MACROD2: variants seen among roughly 807,000 people sequenced by gnomAD.
MACROD2 encodes mono-ADP ribosylhydrolase 2, also known as ADP-ribose glycohydrolase MACROD2.
Under a neutral mutation model 70.4 loss-of-function variants are expected in MACROD2, and 36 were observed. The ratio of observed to expected loss-of-function variants is 0.51; its 90% confidence interval spans 0.39 to 0.68. The LOEUF (loss-of-function observed/expected upper bound fraction) is 0.68, where lower values mean the gene tolerates loss of function less well. MACROD2 is among the 30% of genes least tolerant of loss of function. The pLI, the probability that MACROD2 is intolerant of heterozygous loss-of-function variation, is 0.00. For synonymous variants in MACROD2, 172 were observed against 178.8 expected, an observed-to-expected ratio of 0.96 and a Z score of 0.30; for missense variants, 496 against 538.4, an observed-to-expected ratio of 0.92 and a Z score of 0.78.
chr20:14,846,698 T>C (rs567714636), intron 5 of MACROD2, among the ~76,000 whole-genome samples: 2 of 152,164 alleles, frequency 1.3e-5, no homozygotes, highest in Non-Finnish European at 2.9e-5. Flanking sequence ...TTTATATTTT[T>C]AGTAGAGACA....
intron 8 of MACROD2, among the ~76,000 whole-genome samples, chr20:15,708,487 AAAC>A (rs2050571230): frequency 6.6e-6 from 1 of 152,032 alleles, no homozygotes; most frequent in South Asian, 2.1e-4. Flanking sequence ...CATGCTGGAG[AAAC>A]AGCAAGGAAG....
intron 5 of MACROD2, among the ~76,000 whole-genome samples, chr20:15,116,311 A>C (rs1477211445): frequency 1.3e-5 from 2 of 152,100 alleles, no homozygotes; most frequent in Admixed American, 1.3e-4. Flanking sequence ...GAAGACCATG[A>C]GGATGAAGAC....
intron 6 of MACROD2, among the ~76,000 whole-genome samples, chr20:15,367,366 T>C (rs1028195205): frequency 3.9e-5 from 6 of 152,184 alleles, no homozygotes; most frequent in African/African-American, 4.8e-5. Flanking sequence ...TTCTACTCAT[T>C]TTTTTTCTTC....
intron 4 of MACROD2, among the ~76,000 whole-genome samples, chr20:14,665,569 G>GT (rs1380722889): frequency 4.0e-5 from 6 of 151,542 alleles, no homozygotes; most frequent in Non-Finnish European, 8.8e-5. Flanking sequence ...AGGTTCCACA[G>GT]TTACAATGTC....
rs574113202 is a variant in MACROD2, at chr20:15,195,602, G to T, written c.419-34338G>T. Among the ~76,000 whole-genome samples the T allele has an allele frequency of 1.5e-3, 230 of 152,318 alleles. 1 individual carries two copies. The highest frequency in any genetic ancestry group is 4.9e-3 in the African/African-American group (203 of 41,564). On this transcript the variant is annotated intron_variant, in intron 5 of 17. Coordinates refer to ENST00000684519, the MANE Select transcript of MACROD2 (RefSeq NM_001351661.2). Reference sequence around the variant, plus strand: ...AACAACAGATGTTGGTAAGGTTGCAGAGAAAAAGGAACGCTGTTACACTGT... The same window carrying T: ...AACAACAGATGTTGGTAAGGTTGCATAGAAAAAGGAACGCTGTTACACTGT...
intron 5 of MACROD2, among the ~76,000 whole-genome samples, chr20:15,081,123 T>C (rs892138411): frequency 1.3e-5 from 2 of 152,160 alleles, no homozygotes; most frequent in South Asian, 2.1e-4. Flanking sequence ...AAATCCAGGC[T>C]TTCACTGAAT....
At chr20:14,544,656 G>A (rs139188718) in intron 4 of MACROD2, among the ~76,000 whole-genome samples, 47 of 152,280 alleles carry the variant, frequency 3.1e-4, no homozygotes, top group African/African-American at 1.1e-3. Flanking sequence ...AGTAATTTAT[G>A]TGAGAGGTAA....
At chr20:14,995,282 C>T (rs1164113619) in intron 5 of MACROD2, among the ~76,000 whole-genome samples, 1 of 151,890 alleles carries the variant, frequency 6.6e-6, no homozygotes, top group Non-Finnish European at 1.5e-5. Flanking sequence ...GGATTAGTTA[C>T]TTGGTAAATT....
chr20:15,263,363 T>C (rs2146049575), intron 6 of MACROD2, among the ~76,000 whole-genome samples: 1 of 152,084 alleles, frequency 6.6e-6, no homozygotes, highest in East Asian at 1.9e-4. Flanking sequence ...TTGTTTTTGG[T>C]TCTCTATTTT....
intron 1 of MACROD2, among the ~76,000 whole-genome samples, chr20:13,999,858 G>A (rs1368990500): frequency 6.6e-6 from 1 of 152,102 alleles, no homozygotes; most frequent in Non-Finnish European, 1.5e-5. Flanking sequence ...TGACCTTCCT[G>A]TAGCAGTCTG....
At chr20:16,037,692 C>A (rs1423061542) in intron 15 of MACROD2, among the ~76,000 whole-genome samples, 1 of 151,820 alleles carries the variant, frequency 6.6e-6, no homozygotes, top group African/African-American at 2.4e-5. Flanking sequence ...AATGACCAGC[C>A]ACAATATCCT....
At chr20:15,597,137 G>A (rs967688885) in intron 8 of MACROD2, among the ~76,000 whole-genome samples, 2 of 152,204 alleles carry the variant, frequency 1.3e-5, no homozygotes, top group Non-Finnish European at 2.9e-5. Flanking sequence ...ATAGGTGCTG[G>A]TATATGGTGA....
chr20:14,364,915 G>A (rs543629786), intron 3 of MACROD2, among the ~76,000 whole-genome samples: 106 of 152,224 alleles, frequency 7.0e-4, no homozygotes, highest in African/African-American at 2.4e-3. Context: ...ATATTCATGA[G>A]CAATATTGGT....
chr20:15,213,554 G>T (rs2076782396), intron 5 of MACROD2, among the ~76,000 whole-genome samples: 1 of 152,042 alleles, frequency 6.6e-6, no homozygotes, highest in South Asian at 2.1e-4. Context: ...TATGCTGGGT[G>T]CAGGGAAACA....
chr20:14,678,530 T>G (rs1373510059), intron 4 of MACROD2, among the ~76,000 whole-genome samples: 1 of 152,174 alleles, frequency 6.6e-6, no homozygotes, highest in African/African-American at 2.4e-5. Context: ...TAGAAGATTG[T>G]ATTCCACTTT....
intron 5 of MACROD2, among the ~76,000 whole-genome samples, chr20:14,899,681 C>T (rs2210046): frequency 0.88 from 133,431 of 152,186 alleles, 58,512 homozygotes; most frequent in East Asian, 1. Context: ...TCTGAAGTAC[C>T]GGTGTTGGAG....
chr20:15,751,884 T>A (rs536772498), intron 8 of MACROD2, among the ~76,000 whole-genome samples: 1 of 151,456 alleles, frequency 6.6e-6, no homozygotes, highest in African/African-American at 2.4e-5. Flanking sequence ...AGAGGTTTTT[T>A]TTTTCAGTCA....
At chr20:14,693,420 G>A (rs1416491655) in intron 5 of MACROD2, among the ~76,000 whole-genome samples, 1 of 152,148 alleles carries the variant, frequency 6.6e-6, no homozygotes, top group African/African-American at 2.4e-5. Context: ...GTGCAGAGAT[G>A]GCAGAATACA....
chr20:14,626,016 G>A (rs1221729503), intron 4 of MACROD2, among the ~76,000 whole-genome samples: 1 of 152,086 alleles, frequency 6.6e-6, no homozygotes, highest in Non-Finnish European at 1.5e-5. Flanking sequence ...AGTAGACACA[G>A]GGTTTCACCT....
Sources: gnomAD v4.1 joint callset for allele counts (sites outside exome capture counted in the v4.1 genomes callset) on GRCh38, gnomAD v4.1.1 for gene constraint, MANE v1.5 for transcripts, NCBI Gene and HGNC (gene_info 2026-07-23, HGNC 2026-07-21) for gene names.